ACTR3: variants seen among roughly 807,000 people sequenced by gnomAD.
ACTR3 encodes the protein actin related protein 3, also known as actin-related protein 3.
Under a neutral mutation model 56.8 loss-of-function variants are expected in ACTR3, and 12 were observed. The ratio of observed to expected loss-of-function variants is 0.21; its 90% CI spans 0.14 to 0.34. ACTR3 has a LOEUF of 0.34. ACTR3 is among the 10% of genes least tolerant of loss of function. ACTR3 has a pLI of 1.00. For synonymous variants in ACTR3, 162 were observed against 167.4 expected (o/e 0.97, Z 0.25); for missense variants, 282 against 512.5 (o/e 0.55, Z 4.34).
intron 1 of ACTR3, among the ~76,000 whole-genome samples, chr2:113,895,368 C>T (rs1574346755): frequency 6.6e-6 from 1 of 152,124 alleles, no homozygotes; most frequent in Admixed American, 6.5e-5. Context: ...TACACTAGAT[C>T]TTCCTTCCGT....
chr2:113,948,792 G>A (rs374716936), intron 8 of ACTR3, among the ~76,000 whole-genome samples: 11 of 152,020 alleles, frequency 7.2e-5, no homozygotes, highest in African/African-American at 2.7e-4. Context: ...AGGATATTCA[G>A]ATGTATAGGG....
chr2:113,890,140 T>G lies in ACTR3; in HGVS notation c.-140T>G, dbSNP rs1678855168. On this transcript the variant is annotated 5_prime_UTR_variant, in exon 1 of 12. Transcript: ENST00000263238. ...AGCCTGCTGCTTTCTTGCTACTGCTTCGGCTTCCCGGCTACCCCCCGGACG... is the reference window on the plus strand; with the variant it reads ...AGCCTGCTGCTTTCTTGCTACTGCTGCGGCTTCCCGGCTACCCCCCGGACG... The G allele has an allele frequency of 1.8e-6, 2 of 1,107,766 alleles. No individual in the cohort carries two copies. Among genetic ancestry groups the G allele is most frequent in the Non-Finnish European group, 2.6e-6 (2 of 756,914 alleles). 68.6% of individuals were successfully genotyped at this position (1,107,766 alleles called of 1,614,324 possible).
intron 3 of ACTR3, among the ~76,000 whole-genome samples, chr2:113,919,667 A>T (rs1206282839): frequency 6.6e-6 from 1 of 152,166 alleles, no homozygotes; most frequent in African/African-American, 2.4e-5. Flanking sequence ...AATTGAGGGT[A>T]ATTCCCAGCT....
At chr2:113,920,219 G>A (rs539521963) in intron 3 of ACTR3, among the ~76,000 whole-genome samples, 23 of 152,226 alleles carry the variant, frequency 1.5e-4, no homozygotes, top group African/African-American at 5.3e-4. Context: ...CACTGCGTCC[G>A]GCCTTTTATT....
chr2:113,897,525 T>A (rs1038277475), intron 1 of ACTR3, among the ~76,000 whole-genome samples: 3 of 140,448 alleles, frequency 2.1e-5, no homozygotes, highest in South Asian at 2.3e-4. Flanking sequence ...GTTATTTTTT[T>A]TTTTTTTTTT....
At position 113,959,540 on chromosome 2, in the gene ACTR3, C is replaced by A. The variant is rs926551865; in HGVS notation, c.*2085C>A. ...CAAAAACATGAAGATCAAAAACTTTCTTGAAGCTTACGCTTAACTTATTTG... is the reference window on the plus strand; with the variant it reads ...CAAAAACATGAAGATCAAAAACTTTATTGAAGCTTACGCTTAACTTATTTG... On this transcript the variant is annotated 3_prime_UTR_variant, in exon 12 of 12. Coordinates refer to ENST00000263238, the MANE Select transcript of ACTR3 (RefSeq NM_005721.5). 6.6e-6 allele frequency: 1 copy of A among 152,150 alleles called. No homozygotes were observed. The highest frequency in any genetic ancestry group is 2.1e-4 in the South Asian group (1 of 4,828). 9.4% of individuals were successfully genotyped at this position (152,150 alleles called of 1,614,324 possible). A position where few individuals can be genotyped will look rare whatever the true frequency, so the allele number is the denominator to read the frequency against.
intron 8 of ACTR3, among the ~76,000 whole-genome samples, chr2:113,949,923 C>T (rs941778327): frequency 6.6e-6 from 1 of 151,956 alleles, no homozygotes; most frequent in African/African-American, 2.4e-5. Context: ...TTCTTGAGTG[C>T]CAGCTGTTTG....
At chr2:113,898,578 G>A (rs1405329710) in intron 1 of ACTR3, among the ~76,000 whole-genome samples, 1 of 152,140 alleles carries the variant, frequency 6.6e-6, no homozygotes, top group East Asian at 1.9e-4. Context: ...TTGTAATGCA[G>A]AGGCATACTG....
chr2:113,942,110 T>C, intron 7 of ACTR3, 76 bp from the exon 8 acceptor site: 1 of 1,168,070 alleles, frequency 8.6e-7, no homozygotes, highest in Non-Finnish European at 1.2e-6. Context: ...GATTATAGTT[T>C]ACTGAAAACA....
intron 11 of ACTR3, among the ~76,000 whole-genome samples, chr2:113,957,056 A>G (rs1462470400): frequency 6.6e-6 from 1 of 152,172 alleles, no homozygotes; most frequent in Non-Finnish European, 1.5e-5. Flanking sequence ...GGAAAGTCTC[A>G]ACAGAACAGA....
chr2:113,896,263 GCTTT>G (rs1208703704), intron 1 of ACTR3, among the ~76,000 whole-genome samples: 1 of 152,076 alleles, frequency 6.6e-6, no homozygotes, highest in Non-Finnish European at 1.5e-5. Flanking sequence ...TAATTGGTTG[GCTTT>G]CTTTTTTTTT....
intron 3 of ACTR3, 51 bp downstream of exon 3, chr2:113,917,059 G>A (rs1679419373): frequency 5.4e-6 from 8 of 1,493,682 alleles, no homozygotes; most frequent in Non-Finnish European, 6.4e-6. Flanking sequence ...TAGTTTGTTC[G>A]ATGCTTGTGC....
intron 1 of ACTR3, chr2:113,905,407 G>A (rs984870779): frequency 6.6e-6 from 1 of 151,360 alleles, no homozygotes; most frequent in Admixed American, 6.6e-5. Context: ...AGAGGTTGCA[G>A]TGAGCCGAGA....
At chr2:113,897,636 T>C (rs1386720141) in intron 1 of ACTR3, among the ~76,000 whole-genome samples, 1 of 151,288 alleles carries the variant, frequency 6.6e-6, no homozygotes, top group Non-Finnish European at 1.5e-5. Context: ...AAGCTATTCT[T>C]CTGCCTCAGC....
chr2:113,920,655 C>T (rs1449617493), intron 3 of ACTR3, among the ~76,000 whole-genome samples: 1 of 152,196 alleles, frequency 6.6e-6, no homozygotes, highest in Non-Finnish European at 1.5e-5. Context: ...TTCCCCTACC[C>T]TTTCCAGCCT....
chr2:113,907,976 CAAAAA>C (rs70937249), intron 1 of ACTR3, among the ~76,000 whole-genome samples: 1 of 69,076 alleles, frequency 1.4e-5, no homozygotes, highest in Non-Finnish European at 2.9e-5. Flanking sequence ...CTCTGTCCCC[CAAAAA>C]AAAAAAAAAA....
chr2:113,903,855 G>T (rs1447894538), intron 1 of ACTR3, among the ~76,000 whole-genome samples: 1 of 149,654 alleles, frequency 6.7e-6, no homozygotes, highest in Non-Finnish European at 1.5e-5. Context: ...GGACCTAAGT[G>T]TGTCACTTTT....
At chr2:113,890,372 A>C in intron 1 of ACTR3, 49 bp downstream of exon 1, 15 of 845,878 alleles carry the variant, frequency 1.8e-5, no homozygotes, top group East Asian at 3.9e-5. Flanking sequence ...GGAGGAAGGA[A>C]GATGGCGGGG....
In ACTR3 at chr2:113,959,051, G is replaced by C. The variant is rs1467846722; in HGVS notation, c.*1596G>C. 1 of 151,814 alleles carries C rather than the reference G, an allele frequency of 6.6e-6. No homozygotes were observed. The highest frequency in any genetic ancestry group is 2.4e-5 in the African/African-American group (1 of 41,366). 9.4% of individuals were successfully genotyped at this position (151,814 alleles called of 1,614,324 possible). Reference sequence around the variant, plus strand: ...CAGTAGTATCATCATCAGTATCAAAGGTCTCCTTTTTTTACTTGGAAAAGT... The same window carrying C: ...CAGTAGTATCATCATCAGTATCAAACGTCTCCTTTTTTTACTTGGAAAAGT... On this transcript the variant is annotated 3_prime_UTR_variant, in exon 12 of 12. Transcript: ENST00000263238.
Sources: allele counts gnomAD v4.1 joint callset (sites outside exome capture counted in the v4.1 genomes callset), GRCh38; gene constraint gnomAD v4.1.1; transcripts MANE v1.5; gene names NCBI Gene and HGNC (gene_info 2026-07-23, HGNC 2026-07-21).